Variants in TGFA observed in about 807,000 individuals in gnomAD.
TGFA encodes transforming growth factor alpha.
TGFA carries 12 observed loss-of-function variants against 21.7 expected under a neutral mutation model. That is an observed-to-expected ratio of 0.55 (90% confidence interval 0.35 to 0.90). The LOEUF (loss-of-function observed/expected upper bound fraction) is 0.90. Ranked by LOEUF, TGFA falls within the 40% of genes least tolerant of loss-of-function variation. TGFA has a pLI of 0.01. For synonymous variants in TGFA, 79 were observed against 88.1 expected (o/e 0.90, Z 0.58); for missense variants, 178 against 210.8 (o/e 0.84, Z 0.96).
At chr2:70,472,920 G>A (rs782158338) in intron 2 of TGFA, among the ~76,000 whole-genome samples, 12 of 152,238 alleles carry the variant, frequency 7.9e-5, no homozygotes, top group Non-Finnish European at 1.3e-4. Flanking sequence ...CAAAGTTTCT[G>A]ACCTGGGACT....
intron 2 of TGFA, among the ~76,000 whole-genome samples, chr2:70,510,019 C>A (rs1343873724): frequency 2.6e-5 from 4 of 152,328 alleles, no homozygotes; most frequent in African/African-American, 9.6e-5. Context: ...GCATGCTTTA[C>A]AAATTGACAA....
intron 2 of TGFA, among the ~76,000 whole-genome samples, chr2:70,479,413 T>C (rs13397367): frequency 0.034 from 5,142 of 152,330 alleles, 278 homozygotes; most frequent in African/African-American, 0.12. Context: ...CTAGATTTAC[T>C]ATATTCCTTT....
chr2:70,453,757 T>G (rs1574064845), intron 4 of TGFA, among the ~76,000 whole-genome samples: 2 of 152,148 alleles, frequency 1.3e-5, no homozygotes, highest in Middle Eastern at 3.4e-3. Flanking sequence ...TAGGAAGAGG[T>G]TATTCATCTG....
At chr2:70,546,119 T>G (rs1186643460) in intron 1 of TGFA, among the ~76,000 whole-genome samples, 1 of 152,164 alleles carries the variant, frequency 6.6e-6, no homozygotes, top group East Asian at 1.9e-4. Context: ...TTCTAGAAAT[T>G]TATTCTAAAT....
At chr2:70,511,890 T>TACACACACACACAC (rs36084203) in intron 2 of TGFA, among the ~76,000 whole-genome samples, 116 of 143,042 alleles carry the variant, frequency 8.1e-4, no homozygotes, top group Non-Finnish European at 1.3e-3. Flanking sequence ...TAGTCATGAA[T>TACACACACACACAC]ACACACACAC....
intron 2 of TGFA, among the ~76,000 whole-genome samples, chr2:70,486,719 C>A (rs1262255140): frequency 2.6e-5 from 4 of 151,976 alleles, no homozygotes; most frequent in Non-Finnish European, 5.9e-5. Flanking sequence ...GCCATGGCCC[C>A]CTAAAGTGCT....
chr2:70,453,170 C>T lies in TGFA; in HGVS notation c.475+48G>A, dbSNP rs370068770. On this transcript the variant is annotated intron_variant, in intron 5 of 5. Coordinates refer to ENST00000295400, the MANE Select transcript of TGFA (RefSeq NM_003236.4). ...TCTGCCCTGACTTGGAGAAGGTGGT[C>T]GTTTTCTCCACCCAATAGTGTCTCC... 2.3e-4 allele frequency: 347 copies of T among 1,532,798 alleles called. 1 individual carries two copies. The highest frequency in any genetic ancestry group is 8.5e-4 in the Middle Eastern group (5 of 5,890). The allele number at this position is 1,532,798 out of a possible 1,614,324, so 94.9% of individuals were successfully genotyped here.
chr2:70,494,059 C>T (rs575226043), intron 2 of TGFA, among the ~76,000 whole-genome samples: 177 of 152,296 alleles, frequency 1.2e-3, no homozygotes, highest in African/African-American at 3.9e-3. Context: ...GGATGGTTCC[C>T]TCTGGAGATT....
intron 2 of TGFA, among the ~76,000 whole-genome samples, chr2:70,472,152 G>T (rs1252249710): frequency 6.6e-6 from 1 of 152,154 alleles, no homozygotes; most frequent in African/African-American, 2.4e-5. Flanking sequence ...AAGGAAGGTG[G>T]CAAAGGCCAG....
chr2:70,463,663 C>T (rs988689721), intron 3 of TGFA, among the ~76,000 whole-genome samples: 3 of 152,176 alleles, frequency 2.0e-5, no homozygotes, highest in African/African-American at 2.4e-5. Flanking sequence ...ATTCTCTCTA[C>T]TCATAGCCCA....
At chr2:70,497,582 G>A (rs527524928) in intron 2 of TGFA, among the ~76,000 whole-genome samples, 1 of 152,306 alleles carries the variant, frequency 6.6e-6, no homozygotes, top group Admixed American at 6.5e-5. Context: ...TCTCCTTTGG[G>A]CACATTGCAT....
chr2:70,520,807 A>G (rs1237598587), intron 1 of TGFA, among the ~76,000 whole-genome samples: 3 of 151,496 alleles, frequency 2.0e-5, no homozygotes, highest in Non-Finnish European at 4.4e-5. Context: ...ACTATCTCCA[A>G]CCTCCACCAC....
chr2:70,496,895 A>C (rs548415926), intron 2 of TGFA, among the ~76,000 whole-genome samples: 1 of 152,358 alleles, frequency 6.6e-6, no homozygotes, highest in East Asian at 1.9e-4. Flanking sequence ...CATTATAGAC[A>C]GCACTGGGTG....
chr2:70,469,756 A>G (rs1553492907), intron 2 of TGFA, among the ~76,000 whole-genome samples: 2 of 152,248 alleles, frequency 1.3e-5, no homozygotes, highest in Non-Finnish European at 2.9e-5. Context: ...GGAGCTGATT[A>G]TCTTCCAGCT....
intron 2 of TGFA, among the ~76,000 whole-genome samples, chr2:70,494,985 C>T (rs1671538239): frequency 6.6e-6 from 1 of 152,144 alleles, no homozygotes; most frequent in African/African-American, 2.4e-5. Context: ...TTTATGGTTT[C>T]TGTTTTCAAT....
intron 1 of TGFA, among the ~76,000 whole-genome samples, chr2:70,525,883 C>T (rs1340303551): frequency 4.6e-5 from 7 of 152,112 alleles, no homozygotes; most frequent in African/African-American, 1.4e-4. Context: ...GGTGGGGCCG[C>T]GGATGCTAAG....
At chr2:70,471,008 T>C (rs1670726611) in intron 2 of TGFA, among the ~76,000 whole-genome samples, 2 of 152,162 alleles carry the variant, frequency 1.3e-5, no homozygotes, top group South Asian at 2.1e-4. Context: ...AAAACCCATC[T>C]GTAATCCACT....
At chr2:70,544,266 G>A (rs1432269051) in intron 1 of TGFA, among the ~76,000 whole-genome samples, 1 of 151,788 alleles carries the variant, frequency 6.6e-6, no homozygotes, top group African/African-American at 2.4e-5. Flanking sequence ...TAAAGTCCTG[G>A]TCTATGCTAT....
chr2:70,471,908 C>T (rs1670761836), intron 2 of TGFA, among the ~76,000 whole-genome samples: 2 of 152,112 alleles, frequency 1.3e-5, no homozygotes, highest in Admixed American at 6.5e-5. Flanking sequence ...ATGAGCATTA[C>T]AAGGAACCCC....
Sources: gnomAD v4.1 joint callset for allele counts (sites outside exome capture counted in the v4.1 genomes callset) on GRCh38, gnomAD v4.1.1 for gene constraint, MANE v1.5 for transcripts, NCBI Gene and HGNC (gene_info 2026-07-23, HGNC 2026-07-21) for gene names.